The following MIPOL1 variants were observed in gnomAD, a reference collection of about 807,000 sequenced individuals.
MIPOL1 encodes mirror-image polydactyly gene 1 protein.
MIPOL1 carries 57 observed loss-of-function variants against 60.9 expected under a neutral mutation model. The observed-to-expected ratio is 0.94, with a 90% CI of 0.76 to 1.17. The LOEUF (loss-of-function observed/expected upper bound fraction) is 1.17. Among genes scored for constraint, MIPOL1 ranks in the 50% most tolerant of loss-of-function variants. The pLI is 0.00. For synonymous variants in MIPOL1, 179 were observed against 168.8 expected (o/e 1.06, Z -0.47); for missense variants, 551 against 511.6 (o/e 1.08, Z -0.74).
chr14:37,483,503 C>T (rs1021143638), intron 11 of MIPOL1, among the ~76,000 whole-genome samples: 1 of 152,034 alleles, frequency 6.6e-6, no homozygotes, highest in Non-Finnish European at 1.5e-5. Flanking sequence ...TATTCTAGGG[C>T]CAACTGTATG....
At chr14:37,284,510 A>AT (rs558651561) in intron 6 of MIPOL1, among the ~76,000 whole-genome samples, 161 of 151,690 alleles carry the variant, frequency 1.1e-3, no homozygotes, top group African/African-American at 3.7e-3. Flanking sequence ...TGCCTGGCTA[A>AT]TTTTTTGTAT....
intron 10 of MIPOL1, among the ~76,000 whole-genome samples, chr14:37,397,316 T>C (rs896420326): frequency 1.1e-4 from 16 of 150,312 alleles, no homozygotes; most frequent in African/African-American, 3.9e-4. Context: ...CAGAGTCCTG[T>C]GATGTGAACT....
At chr14:37,322,005 AT>A (rs2088629934) in intron 9 of MIPOL1, among the ~76,000 whole-genome samples, 1 of 151,902 alleles carries the variant, frequency 6.6e-6, no homozygotes, top group South Asian at 2.1e-4. Context: ...CTTGGAATCT[AT>A]TATTATATTT....
At chr14:37,403,472 C>T (rs1245414177) in intron 10 of MIPOL1, among the ~76,000 whole-genome samples, 5 of 114,510 alleles carry the variant, frequency 4.4e-5, no homozygotes, top group African/African-American at 1.4e-4. Context: ...GATGGAGTCT[C>T]GCTGTCTTGC....
Position 37,270,496 on chromosome 14 carries a change from CA to C in MIPOL1, c.465del (p.Glu156LysfsTer32), listed in dbSNP as rs1279860254. The C allele has an allele frequency of 6.3e-7, 1 of 1,598,322 alleles. No individual in the cohort carries two copies. Among genetic ancestry groups the C allele is most frequent in the African/African-American group, 1.3e-5 (1 of 74,080 alleles). Reference sequence around the variant, plus strand: ...AAGCTGGAACTCCAAGAGAAAGAAACAGAAGCTAAAATTGCTGAAAAGACAG... The same window carrying C: ...AAGCTGGAACTCCAAGAGAAAGAAACGAAGCTAAAATTGCTGAAAAGACAG... ...KFKLELQEKETEAKIAEKTAA... is the reference protein window; with the variant it reads ...KFKLELQEKEXEAKIAEKTAA... On this transcript the variant is annotated frameshift_variant, in exon 6 of 13. Transcript: ENST00000684589. LOFTEE classifies it high-confidence loss of function.
intron 9 of MIPOL1, among the ~76,000 whole-genome samples, chr14:37,360,518 A>T (rs1009221211): frequency 6.6e-6 from 1 of 152,184 alleles, no homozygotes; most frequent in Non-Finnish European, 1.5e-5. Flanking sequence ...CTATTCAGAG[A>T]TTCAAGTTCT....
At position 37,409,527 on chromosome 14, in the gene MIPOL1, C is replaced by T. The variant is rs112407313; in HGVS notation, c.937-13328C>T. Among the ~76,000 whole-genome samples, 642 of 152,310 alleles carry T rather than the reference C, an allele frequency of 4.2e-3. 5 individuals are homozygous for T. The highest frequency in any genetic ancestry group is 0.031 in the Middle Eastern group (9 of 294). ...TTGTGGCTGGGCGCAGTGGCTCACA[C>T]CTGTAATCCCAGCACTTTGGGAGGC... is the stretch of plus-strand genomic sequence containing the variant. On this transcript the variant is annotated intron_variant, in intron 10 of 12. Coordinates refer to ENST00000684589, the MANE Select transcript of MIPOL1 (RefSeq NM_001388067.1).
chr14:37,390,363 C>A (rs2093203911), intron 10 of MIPOL1, among the ~76,000 whole-genome samples: 1 of 152,088 alleles, frequency 6.6e-6, no homozygotes, highest in African/African-American at 2.4e-5. Flanking sequence ...TCTGGAATGT[C>A]ACTTATATAT....
In MIPOL1 at chr14:37,550,476, C is replaced by T. The variant is rs2095559062; in HGVS notation, c.*3505C>T. On this transcript the variant is annotated 3_prime_UTR_variant, in exon 13 of 13. Coordinates refer to ENST00000684589, the MANE Select transcript of MIPOL1 (RefSeq NM_001388067.1). Reference sequence around the variant, plus strand: ...GTTGGTAACTAGTATTTACAGCTAACCTATCTATTCATATTTTACATATAT... The same window carrying T: ...GTTGGTAACTAGTATTTACAGCTAATCTATCTATTCATATTTTACATATAT... The T allele has an allele frequency of 6.7e-6, 1 of 148,682 alleles. No homozygotes were observed. Among genetic ancestry groups the T allele is most frequent in the Non-Finnish European group, 1.5e-5 (1 of 67,528 alleles). 9.2% of individuals were successfully genotyped at this position (148,682 alleles called of 1,614,324 possible).
chr14:37,513,788 T>C (rs1309151418), intron 12 of MIPOL1, among the ~76,000 whole-genome samples: 2 of 152,204 alleles, frequency 1.3e-5, no homozygotes, highest in Non-Finnish European at 2.9e-5. Flanking sequence ...AGAGGCTGTC[T>C]TCCAGTGATT....
At chr14:37,337,863 CA>C (rs1024070185) in intron 9 of MIPOL1, among the ~76,000 whole-genome samples, 1 of 151,946 alleles carries the variant, frequency 6.6e-6, no homozygotes, top group African/African-American at 2.4e-5. Flanking sequence ...ATATCATATG[CA>C]GCACAGAAGT....
At chr14:37,392,272 A>G (rs1009751020) in intron 10 of MIPOL1, among the ~76,000 whole-genome samples, 1 of 152,112 alleles carries the variant, frequency 6.6e-6, no homozygotes, top group African/African-American at 2.4e-5. Context: ...TTTTGAACAT[A>G]TGGATTTTGC....
intron 3 of MIPOL1, among the ~76,000 whole-genome samples, chr14:37,262,742 C>G (rs1200967817): frequency 2.0e-5 from 3 of 152,158 alleles, no homozygotes; most frequent in Admixed American, 2.0e-4. Context: ...TTTCTCTTTC[C>G]TGTCTCTGAG....
At chr14:37,435,636 T>C (rs1401733326) in intron 11 of MIPOL1, among the ~76,000 whole-genome samples, 1 of 152,148 alleles carries the variant, frequency 6.6e-6, no homozygotes, top group East Asian at 1.9e-4. Flanking sequence ...AACATTGTGA[T>C]ACATTAGAAA....
At chr14:37,307,025 C>G (rs1415223952) in intron 7 of MIPOL1, among the ~76,000 whole-genome samples, 1 of 151,634 alleles carries the variant, frequency 6.6e-6, no homozygotes, top group Non-Finnish European at 1.5e-5. Context: ...ATACTAAGTT[C>G]TAAAAGTACT....
intron 3 of MIPOL1, among the ~76,000 whole-genome samples, chr14:37,248,139 G>A (rs1000427179): frequency 2.6e-5 from 4 of 151,332 alleles, no homozygotes; most frequent in South Asian, 2.1e-4. Context: ...TGCACACAGA[G>A]GAGACACAGA....
At chr14:37,305,889 T>C (rs1046452296) in intron 7 of MIPOL1, among the ~76,000 whole-genome samples, 3 of 151,842 alleles carry the variant, frequency 2.0e-5, no homozygotes, top group Admixed American at 6.6e-5. Context: ...TTACGTCCTG[T>C]GTGTCAGACC....
chr14:37,212,786 A>G (rs1966906396), intron 1 of MIPOL1, among the ~76,000 whole-genome samples: 1 of 152,172 alleles, frequency 6.6e-6, no homozygotes, highest in South Asian at 2.1e-4. Flanking sequence ...TGCTGGCTTC[A>G]GGTCAGACCC....
intron 10 of MIPOL1, among the ~76,000 whole-genome samples, chr14:37,419,175 T>G (rs766672341): frequency 1.3e-5 from 2 of 152,098 alleles, no homozygotes; most frequent in Non-Finnish European, 2.9e-5. Flanking sequence ...TATAAAAGAA[T>G]AAACTACCAG....
Sources: gnomAD v4.1 joint callset for allele counts (sites outside exome capture counted in the v4.1 genomes callset) on GRCh38, gnomAD v4.1.1 for gene constraint, MANE v1.5 for transcripts, NCBI Gene and HGNC (gene_info 2026-07-23, HGNC 2026-07-21) for gene names.